Variants in COL5A2 observed in about 807,000 individuals in gnomAD.
COL5A2 encodes the protein collagen alpha-2(V) chain.
Under a neutral mutation model 208.2 loss-of-function variants are expected in COL5A2, and 23 were observed. The observed-to-expected ratio is 0.11, with a 90% CI of 0.08 to 0.16. The LOEUF (loss-of-function observed/expected upper bound fraction) is 0.16. Among genes scored for constraint, COL5A2 ranks in the 10% least tolerant of loss-of-function variants. The pLI is 1.00. For synonymous variants in COL5A2, 625 were observed against 628.5 expected (o/e 0.99, Z 0.08); for missense variants, 1,590 against 1,956.4 (o/e 0.81, Z 3.53).
the COL5A2 span, among the ~76,000 whole-genome samples, chr2:189,269,245 C>T: frequency 2.1e-4 from 32 of 152,164 alleles, no homozygotes; most frequent in African/African-American, 7.7e-4. Flanking sequence ...ACTGAATAGT[C>T]CCAAACCTTC....
the COL5A2 span, among the ~76,000 whole-genome samples, chr2:189,440,038 G>A: frequency 6.6e-6 from 1 of 152,226 alleles, no homozygotes; most frequent in Non-Finnish European, 1.5e-5. Context: ...TCATGAAAGA[G>A]AAAGCTGGTT....
At chr2:189,432,689 T>C in the COL5A2 span, among the ~76,000 whole-genome samples, 2 of 152,088 alleles carry the variant, frequency 1.3e-5, no homozygotes, top group Admixed American at 6.6e-5. Flanking sequence ...AGCAAGTCCT[T>C]AGAGACCTAC....
chr2:189,062,463 C>T (rs978612180), intron 29 of COL5A2, among the ~76,000 whole-genome samples: 4 of 151,982 alleles, frequency 2.6e-5, no homozygotes, highest in South Asian at 4.1e-4. Flanking sequence ...GGATTACAGG[C>T]GTGAGCCACC....
the COL5A2 span, among the ~76,000 whole-genome samples, chr2:189,365,619 G>A: frequency 6.6e-6 from 1 of 152,294 alleles, no homozygotes; most frequent in South Asian, 2.1e-4. Context: ...GGCTGCACTG[G>A]GGCAGCTCTG....
rs764961048 is a variant in COL5A2, at chr2:189,052,911, A to G, written c.2661T>C (p.His887=). 3.1e-6 allele frequency: 5 copies of G among 1,613,850 alleles called. No homozygotes were observed. The highest frequency in any genetic ancestry group is 4.2e-6 in the Non-Finnish European group (5 of 1,179,920). ...TTATGCCTTTTTCTTGTTAACTTAC[A>G]TGAGGGCCAGGGGATCCTGCTAAAC... ...PQGLAGSPGP[H]GPNGVPGLKG... is the part of the protein sequence containing the mutation. The change falls in exon 39 of 54, where the codon CAT becomes CAC. Residue 887 remains histidine (H), a splice_region_variant and synonymous_variant. Coordinates refer to ENST00000374866, the MANE Select transcript of COL5A2 (RefSeq NM_000393.5).
intron 1 of COL5A2, among the ~76,000 whole-genome samples, chr2:189,121,636 AT>A (rs1351784029): frequency 7.3e-6 from 1 of 136,492 alleles, no homozygotes; most frequent in Non-Finnish European, 1.5e-5. Flanking sequence ...CTATAAAAGC[AT>A]TTTTCAGGAG....
chr2:189,306,039 C>T, the COL5A2 span, among the ~76,000 whole-genome samples: 4 of 152,194 alleles, frequency 2.6e-5, no homozygotes, highest in African/African-American at 9.7e-5. Context: ...AATCGAAGCA[C>T]CAGCTTAGCT....
chr2:189,322,607 C>T, the COL5A2 span, among the ~76,000 whole-genome samples: 1 of 152,160 alleles, frequency 6.6e-6, no homozygotes, highest in African/African-American at 2.4e-5. Flanking sequence ...GACACATACA[C>T]CCTCCCAAGA....
the COL5A2 span, among the ~76,000 whole-genome samples, chr2:189,370,050 A>G: frequency 6.6e-6 from 1 of 152,186 alleles, no homozygotes; most frequent in East Asian, 1.9e-4. Flanking sequence ...TGACTCATTA[A>G]TACTCCCAGC....
At chr2:189,172,106 T>C (rs562811031) in intron 1 of COL5A2, among the ~76,000 whole-genome samples, 1 of 152,210 alleles carries the variant, frequency 6.6e-6, no homozygotes, top group Non-Finnish European at 1.5e-5. Context: ...AGTGAGGGCA[T>C]AGGAGGCAGA....
the COL5A2 span, among the ~76,000 whole-genome samples, chr2:189,430,563 A>T: frequency 0.013 from 1,953 of 152,280 alleles, 53 homozygotes; most frequent in African/African-American, 0.044. Context: ...GCTCCGCAGG[A>T]CCCACACCCA....
chr2:189,119,902 G>A (rs1400804944), intron 1 of COL5A2, among the ~76,000 whole-genome samples: 2 of 152,032 alleles, frequency 1.3e-5, no homozygotes, highest in East Asian at 1.9e-4. Context: ...AATGAAAAGT[G>A]TGCCTCAGTT....
chr2:189,062,064 C>A (rs1179098427), intron 29 of COL5A2, among the ~76,000 whole-genome samples: 2 of 151,520 alleles, frequency 1.3e-5, no homozygotes, highest in African/African-American at 4.9e-5. Context: ...ACTGCCCCAC[C>A]CCCCCAAAAA....
At position 189,033,786 on chromosome 2, in the gene COL5A2, T is replaced by C; in HGVS notation, c.*284A>G. The C allele has an allele frequency of 2.2e-6, 1 of 445,120 alleles. No homozygotes were observed. Among genetic ancestry groups the C allele is most frequent in the Non-Finnish European group, 4.1e-6 (1 of 243,950 alleles). 27.6% of individuals were successfully genotyped at this position (445,120 alleles called of 1,614,324 possible). A position where few individuals can be genotyped will look rare whatever the true frequency, so the allele number is the denominator to read the frequency against. ...ATTGAAGAAAACGGAGATTTATTTATTCAATCAGTTTACTTTCTGCAAAGG... is the reference window on the plus strand; with the variant it reads ...ATTGAAGAAAACGGAGATTTATTTACTCAATCAGTTTACTTTCTGCAAAGG... On this transcript the variant is annotated 3_prime_UTR_variant, in exon 54 of 54. Coordinates refer to ENST00000374866, the MANE Select transcript of COL5A2 (RefSeq NM_000393.5).
At chr2:189,290,717 T>TAC in the COL5A2 span, among the ~76,000 whole-genome samples, 4,214 of 136,580 alleles carry the variant, frequency 0.031, 159 homozygotes, top group African/African-American at 0.094. Context: ...TTTTTGTTAA[T>TAC]ACACACACAC....
chr2:189,260,182 C>T, the COL5A2 span, among the ~76,000 whole-genome samples: 1 of 151,974 alleles, frequency 6.6e-6, no homozygotes, highest in East Asian at 1.9e-4. Context: ...TGAAGTCTTT[C>T]AGAAAAAAAA....
At chr2:189,225,059 AAC>A (rs1293128416) in intron 1 of COL5A2, among the ~76,000 whole-genome samples, 3 of 152,214 alleles carry the variant, frequency 2.0e-5, no homozygotes, top group Admixed American at 6.5e-5. Context: ...GCAAGGAGTT[AAC>A]ACAGAGATAT....
At chr2:189,337,175 A>ATTTTTT in the COL5A2 span, among the ~76,000 whole-genome samples, 2 of 141,918 alleles carry the variant, frequency 1.4e-5, no homozygotes, top group Non-Finnish European at 3.1e-5. Context: ...TTTTGACATC[A>ATTTTTT]TTTTTTTTTT....
the COL5A2 span, among the ~76,000 whole-genome samples, chr2:189,308,577 T>C: frequency 2.0e-5 from 3 of 152,170 alleles, no homozygotes; most frequent in Non-Finnish European, 4.4e-5. Flanking sequence ...CTGGCACCTT[T>C]TTAGGTCTGA....
Sources: gnomAD v4.1 joint callset for allele counts (sites outside exome capture counted in the v4.1 genomes callset) on GRCh38, gnomAD v4.1.1 for gene constraint, MANE v1.5 for transcripts, NCBI Gene and HGNC (gene_info 2026-07-23, HGNC 2026-07-21) for gene names.